DAB1: variants seen among roughly 807,000 people sequenced by gnomAD.
The protein encoded by DAB1 is DAB adaptor protein 1, also known as disabled homolog 1.
A neutral mutation model predicts 64.6 loss-of-function variants in DAB1; 15 were observed. The observed-to-expected ratio is 0.23, with a 90% CI of 0.16 to 0.36. The LOEUF (loss-of-function observed/expected upper bound fraction) is 0.36. DAB1 is among the 10% of genes least tolerant of loss of function. The pLI is 1.00. For synonymous variants in DAB1, 235 were observed against 251.9 expected, an observed-to-expected ratio of 0.93 and a Z score of 0.64; for missense variants, 596 against 706.7, an observed-to-expected ratio of 0.84 and a Z score of 1.78.
chr1:57,145,576 T>C (rs1215730193), intron 2 of DAB1, 147 bp from the exon 3 acceptor site: 1 of 736,928 alleles, frequency 1.4e-6, no homozygotes, highest in Non-Finnish European at 2.1e-6. Flanking sequence ...ATAGCAGTAT[T>C]CCTAAATGTA....
In DAB1 at chr1:57,107,046, C is replaced by T. The variant is rs1030952153; in HGVS notation, c.306+29497G>A. ...TAATTGATAGATAAGGTGATGAAGG[C>T]ATAGTACGTAAAAAGATTTCCCCAA... On this transcript the variant is annotated intron_variant, in intron 4 of 14. Transcript: ENST00000371236. Among the ~76,000 whole-genome samples, 11 of 151,908 alleles carry T rather than the reference C, an allele frequency of 7.2e-5. 1 individual carries two copies. The highest frequency in any genetic ancestry group is 3.9e-4 in the Admixed American group (6 of 15,244).
intron 5 of DAB1, among the ~76,000 whole-genome samples, chr1:57,996,943 C>A (rs959323615): frequency 6.6e-6 from 1 of 152,060 alleles, no homozygotes; most frequent in Admixed American, 6.6e-5. Flanking sequence ...TAGGCATGAG[C>A]AGAGCAGGAT....
chr1:57,634,992 T>C (rs906931982), intron 7 of DAB1, among the ~76,000 whole-genome samples: 13 of 152,102 alleles, frequency 8.5e-5, no homozygotes, highest in Non-Finnish European at 1.9e-4. Flanking sequence ...TGGAGGACAG[T>C]CTAGGCAGAG....
At chr1:57,269,788 GGA>G (rs1208079454) in intron 2 of DAB1, among the ~76,000 whole-genome samples, 2 of 152,150 alleles carry the variant, frequency 1.3e-5, no homozygotes, top group East Asian at 1.9e-4. Context: ...GGCAGGTGGG[GGA>G]GAGGAAGGTT....
At chr1:57,850,407 A>G (rs1653466733) in intron 1 of DAB1, among the ~76,000 whole-genome samples, 1 of 152,132 alleles carries the variant, frequency 6.6e-6, no homozygotes, top group Non-Finnish European at 1.5e-5. Flanking sequence ...AAAAAGGCGC[A>G]GAGGTGAGAT....
At chr1:58,059,670 G>T (rs1269345253) in intron 5 of DAB1, among the ~76,000 whole-genome samples, 4 of 152,200 alleles carry the variant, frequency 2.6e-5, no homozygotes, top group Non-Finnish European at 4.4e-5. Flanking sequence ...CAGTCTAATG[G>T]CATAAACAAG....
At chr1:57,315,537 C>G (rs1411798742) in intron 1 of DAB1, among the ~76,000 whole-genome samples, 2 of 152,164 alleles carry the variant, frequency 1.3e-5, no homozygotes, top group East Asian at 1.9e-4. Context: ...GAGTCTCGCT[C>G]TGTCACCCAG....
At chr1:58,257,076 G>A (rs71642157) in intron 4 of DAB1, among the ~76,000 whole-genome samples, 3,239 of 152,196 alleles carry the variant, frequency 0.021, 49 homozygotes, top group Non-Finnish European at 0.035. Flanking sequence ...TTATGCATTG[G>A]GCATTGTTAC....
chr1:57,139,380 C>T (rs1302064984), intron 3 of DAB1, among the ~76,000 whole-genome samples: 1 of 152,150 alleles, frequency 6.6e-6, no homozygotes, highest in Non-Finnish European at 1.5e-5. Context: ...CACTGGACAC[C>T]AAACCTGCTG....
chr1:58,308,701 C>A (rs889705487), intron 4 of DAB1, among the ~76,000 whole-genome samples: 5 of 152,160 alleles, frequency 3.3e-5, no homozygotes, highest in East Asian at 1.9e-4. Flanking sequence ...GATTCAGCAA[C>A]CTGCTAGCTA....
chr1:57,413,265 G>C lies in DAB1; in HGVS notation c.-137+10665C>G, dbSNP rs573729247. On this transcript the variant is annotated intron_variant, in intron 1 of 14. Coordinates refer to ENST00000371236, the MANE Select transcript of DAB1 (RefSeq NM_001365792.1). ...AAGAGTTCTAATGAAGACATACAAG[G>C]AAATTAATGTTGTTTTCACATCTGC... is the stretch of plus-strand genomic sequence containing the variant. 4.6e-5 allele frequency among the ~76,000 whole-genome samples: 7 copies of C among 152,254 alleles called. No homozygotes were observed. The East Asian group carries it at 9.7e-4, about 21-fold the overall frequency.
At chr1:57,052,632 T>C (rs1649304532) in intron 9 of DAB1, among the ~76,000 whole-genome samples, 1 of 152,148 alleles carries the variant, frequency 6.6e-6, no homozygotes, top group South Asian at 2.1e-4. Context: ...GTACCTGACA[T>C]GGTAGCTGAG....
intron 6 of DAB1, among the ~76,000 whole-genome samples, chr1:57,779,057 T>G (rs948927524): frequency 6.6e-6 from 1 of 151,934 alleles, no homozygotes; most frequent in Non-Finnish European, 1.5e-5. Context: ...TAAGTATAAA[T>G]AGGGGAATTA....
intron 5 of DAB1, among the ~76,000 whole-genome samples, chr1:58,124,372 G>T (rs539004429): frequency 6.6e-5 from 10 of 152,090 alleles, no homozygotes; most frequent in Non-Finnish European, 8.8e-5. Flanking sequence ...CCTTAAATAT[G>T]GTGTACAAAG....
chr1:57,435,051 T>G (rs1051814126), intron 7 of DAB1, among the ~76,000 whole-genome samples: 1 of 142,142 alleles, frequency 7.0e-6, no homozygotes, highest in Non-Finnish European at 1.5e-5. Flanking sequence ...TTTTTCTTTT[T>G]TTTTTTTTTT....
chr1:58,235,101 T>C (rs1254033459), intron 4 of DAB1, among the ~76,000 whole-genome samples: 1 of 152,222 alleles, frequency 6.6e-6, no homozygotes, highest in East Asian at 1.9e-4. Context: ...AGCATCTTCA[T>C]CTGTGTGATG....
intron 5 of DAB1, among the ~76,000 whole-genome samples, chr1:58,025,603 C>A (rs1646878125): frequency 7.5e-6 from 1 of 133,866 alleles, no homozygotes; most frequent in African/African-American, 2.8e-5. Context: ...CTCTTGTCTC[C>A]TATTAAATGT....
At chr1:57,730,489 A>G (rs1208470137) in intron 6 of DAB1, among the ~76,000 whole-genome samples, 1 of 152,188 alleles carries the variant, frequency 6.6e-6, no homozygotes, top group Admixed American at 6.5e-5. Context: ...TTTTTTCTCT[A>G]ATTCAAACCA....
intron 9 of DAB1, among the ~76,000 whole-genome samples, chr1:57,043,839 T>G (rs898581279): frequency 6.7e-6 from 1 of 149,282 alleles, no homozygotes; most frequent in Admixed American, 6.7e-5. Flanking sequence ...AGAGTAAGAC[T>G]CCTACTCAAG....
Sources: allele counts gnomAD v4.1 joint callset (sites outside exome capture counted in the v4.1 genomes callset), GRCh38; gene constraint gnomAD v4.1.1; transcripts MANE v1.5; gene names NCBI Gene and HGNC (gene_info 2026-07-23, HGNC 2026-07-21).